Variants in MAPK8 observed in about 807,000 individuals in gnomAD.
The protein encoded by MAPK8 is mitogen-activated protein kinase 8.
A neutral mutation model predicts 52.9 loss-of-function variants in MAPK8; 13 were observed. The observed-to-expected ratio is 0.25, with a 90% CI of 0.16 to 0.39. MAPK8 has a LOEUF of 0.39. MAPK8 is among the 10% of genes least tolerant of loss of function. The pLI, the probability that MAPK8 is intolerant of heterozygous loss-of-function variation, is 1.00. For synonymous variants in MAPK8, 191 were observed against 169.8 expected (o/e 1.12, Z -0.97); for missense variants, 300 against 519.2 (o/e 0.58, Z 4.10).
At chr10:48,367,186 A>G (rs1848127453) in intron 1 of MAPK8, among the ~76,000 whole-genome samples, 1 of 152,078 alleles carries the variant, frequency 6.6e-6, no homozygotes, top group African/African-American at 2.4e-5. Flanking sequence ...CCTGGGCAAC[A>G]GAATGAGACC....
chr10:48,351,581 TA>T (rs531049314), intron 1 of MAPK8, among the ~76,000 whole-genome samples: 35 of 149,628 alleles, frequency 2.3e-4, no homozygotes, highest in East Asian at 7.8e-4. Context: ...TGAAATAAAT[TA>T]AAAAAAAAGG....
At chr10:48,320,246 A>ATT (rs1588926430) in intron 1 of MAPK8, among the ~76,000 whole-genome samples, 1 of 28,364 alleles carries the variant, frequency 3.5e-5, no homozygotes, top group Non-Finnish European at 7.3e-5. Flanking sequence ...TTTTTTTTAA[A>ATT]TTAGATCAGG....
chr10:48,350,291 CA>C (rs1357965907), intron 1 of MAPK8, among the ~76,000 whole-genome samples: 5 of 152,154 alleles, frequency 3.3e-5, no homozygotes, highest in African/African-American at 1.2e-4. Context: ...ATCCTGATAC[CA>C]AAACCTGGCA....
In MAPK8 at chr10:48,403,711, T is replaced by C. The variant is rs555877649; in HGVS notation, c.123-1141T>C. Among the ~76,000 whole-genome samples, 3 of 152,144 alleles carry C rather than the reference T, an allele frequency of 2.0e-5. No individual in the cohort carries two copies. In the South Asian group the frequency reaches 6.2e-4, roughly 32 times the overall value. ...CAGTATTAGGATTCTGAAAGCCAGCTCTCTGTTCAGATTTTGTTTTTTGTT... is the reference window on the plus strand; with the variant it reads ...CAGTATTAGGATTCTGAAAGCCAGCCCTCTGTTCAGATTTTGTTTTTTGTT... On this transcript the variant is annotated intron_variant, in intron 2 of 11. Transcript: ENST00000374189.
At chr10:48,317,470 G>A (rs1293781024) in intron 1 of MAPK8, among the ~76,000 whole-genome samples, 1 of 152,194 alleles carries the variant, frequency 6.6e-6, no homozygotes, top group Non-Finnish European at 1.5e-5. Context: ...GCCCCTGAAT[G>A]AAACACTTTG....
intron 1 of MAPK8, among the ~76,000 whole-genome samples, chr10:48,380,637 G>A (rs746471322): frequency 1.6e-4 from 24 of 152,196 alleles, no homozygotes; most frequent in African/African-American, 2.2e-4. Context: ...GGAGGCTGAG[G>A]CAAGAGAATC....
chr10:48,362,737 GTT>G (rs10715224), intron 1 of MAPK8, among the ~76,000 whole-genome samples: 2,018 of 87,756 alleles, frequency 0.023, 10 homozygotes, highest in South Asian at 0.031. Flanking sequence ...AATTTTATTA[GTT>G]TTTTTTTTTT....
At chr10:48,337,940 G>A (rs1043943513) in intron 1 of MAPK8, among the ~76,000 whole-genome samples, 1 of 151,928 alleles carries the variant, frequency 6.6e-6, no homozygotes, top group Non-Finnish European at 1.5e-5. Context: ...GAGTTATAAC[G>A]TTGAATACAT....
intron 5 of MAPK8, among the ~76,000 whole-genome samples, chr10:48,418,695 T>TTA (rs936588964): frequency 2.6e-5 from 4 of 152,242 alleles, no homozygotes; most frequent in Non-Finnish European, 4.4e-5. Context: ...GTTGCTATTC[T>TTA]TATATATAGT....
intron 7 of MAPK8, chr10:48,424,638 A>G: frequency 1.6e-6 from 2 of 1,225,024 alleles, no homozygotes; most frequent in Non-Finnish European, 2.3e-6. Context: ...AATGTATGAT[A>G]GCACTTCAGT....
intron 1 of MAPK8, among the ~76,000 whole-genome samples, chr10:48,315,068 T>G (rs1842363603): frequency 6.6e-6 from 1 of 152,188 alleles, no homozygotes; most frequent in South Asian, 2.1e-4. Flanking sequence ...CATCCTGTTT[T>G]TATTATTGTA....
At chr10:48,311,986 A>G (rs1232599685) in intron 1 of MAPK8, among the ~76,000 whole-genome samples, 1 of 152,208 alleles carries the variant, frequency 6.6e-6, no homozygotes, top group Non-Finnish European at 1.5e-5. Flanking sequence ...GTATAATTTG[A>G]TAGAAGATAA....
At chr10:48,397,305 C>T (rs1209071806) in intron 1 of MAPK8, among the ~76,000 whole-genome samples, 1 of 151,918 alleles carries the variant, frequency 6.6e-6, no homozygotes, top group African/African-American at 2.4e-5. Context: ...TGCACTACTA[C>T]TGTGGCAGAT....
intron 1 of MAPK8, among the ~76,000 whole-genome samples, chr10:48,312,772 A>G (rs1049680539): frequency 1.3e-5 from 2 of 152,184 alleles, no homozygotes; most frequent in African/African-American, 4.8e-5. Context: ...GGCTGTTACT[A>G]TTGAGAATTT....
At chr10:48,332,310 C>G (rs1844232476) in intron 1 of MAPK8, among the ~76,000 whole-genome samples, 1 of 152,128 alleles carries the variant, frequency 6.6e-6, no homozygotes, top group South Asian at 2.1e-4. Context: ...TTCTGATCAC[C>G]TTTTTGTTTA....
intron 11 of MAPK8, among the ~76,000 whole-genome samples, chr10:48,432,401 C>G (rs1019428968): frequency 1.3e-5 from 2 of 151,972 alleles, no homozygotes; most frequent in African/African-American, 4.8e-5. Flanking sequence ...AATCTTTGAT[C>G]AAGAATGCAA....
In MAPK8 at chr10:48,427,122, C is replaced by T. The variant is rs750388057; in HGVS notation, c.1039C>T (p.His347Tyr). The T allele has an allele frequency of 6.2e-7, 1 of 1,612,942 alleles. No individual in the cohort carries two copies. Among genetic ancestry groups the T allele is most frequent in the Admixed American group, 1.7e-5 (1 of 59,996 alleles). Reference sequence around the variant, plus strand: ...TGACAAGCAGTTAGATGAAAGGGAACACACAATAGAAGAGTGGAAAGGTAC... The same window carrying T: ...TGACAAGCAGTTAGATGAAAGGGAATACACAATAGAAGAGTGGAAAGGTAC... Reference protein sequence around the residue: ...IPDKQLDEREHTIEEWKELIY... With the variant: ...IPDKQLDEREYTIEEWKELIY... The change falls in exon 10 of 12, where the codon CAC becomes TAC. Residue 347 changes from histidine (H) to tyrosine (Y), a missense_variant. Transcript: ENST00000374189.
intron 1 of MAPK8, among the ~76,000 whole-genome samples, chr10:48,393,998 A>G (rs1280666865): frequency 6.6e-6 from 1 of 151,974 alleles, no homozygotes; most frequent in African/African-American, 2.4e-5. Context: ...AGAGATGAGT[A>G]TAGATTCTAT....
At chr10:48,406,694 A>G (rs1449487162) in intron 3 of MAPK8, among the ~76,000 whole-genome samples, 1 of 152,152 alleles carries the variant, frequency 6.6e-6, no homozygotes, top group African/African-American at 2.4e-5. Context: ...AAACAATTTC[A>G]TCCTCTGTAC....
Sources: allele counts gnomAD v4.1 joint callset (sites outside exome capture counted in the v4.1 genomes callset), GRCh38; gene constraint gnomAD v4.1.1; transcripts MANE v1.5; gene names NCBI Gene and HGNC (gene_info 2026-07-23, HGNC 2026-07-21).